RELN: variants seen among roughly 807,000 people sequenced by gnomAD.
The protein encoded by RELN is reelin.
Under a neutral mutation model 427.6 loss-of-function variants are expected in RELN, and 108 were observed. The observed-to-expected ratio is 0.25, with a 90% CI of 0.22 to 0.30. The LOEUF is 0.30. RELN is among the 10% of genes least tolerant of loss of function. The probability of loss-of-function intolerance (pLI) is 1.00; values close to 1 mark genes in which losing one functional copy is unlikely to be tolerated. For synonymous variants in RELN, 1,524 were observed against 1,513.4 expected (o/e 1.01, Z -0.16); for missense variants, 3,715 against 4,302.8 (o/e 0.86, Z 3.82).
At chr7:103,861,208 C>T (rs1584306758) in intron 2 of RELN, among the ~76,000 whole-genome samples, 1 of 152,070 alleles carries the variant, frequency 6.6e-6, no homozygotes, top group Admixed American at 6.6e-5. Context: ...ACTTTCAATT[C>T]TCTGTGAAAT....
chr7:103,562,854 G>A (rs1830671748), intron 34 of RELN, among the ~76,000 whole-genome samples: 1 of 152,168 alleles, frequency 6.6e-6, no homozygotes, highest in Admixed American at 6.5e-5. Flanking sequence ...TACTTAGGAT[G>A]ACATACATGG....
At chr7:103,665,294 A>G (rs1401002953) in intron 11 of RELN, among the ~76,000 whole-genome samples, 3 of 151,804 alleles carry the variant, frequency 2.0e-5, no homozygotes, top group Non-Finnish European at 2.9e-5. Flanking sequence ...ATTAGTCTAT[A>G]TGTCCATCTC....
In RELN at chr7:103,987,129, A is replaced by T. The variant is rs146516288; in HGVS notation, c.226+2002T>A. Among the ~76,000 whole-genome samples the T allele has an allele frequency of 5.0e-3, 754 of 152,062 alleles. 7 individuals carry two copies. The highest frequency in any genetic ancestry group is 0.017 in the African/African-American group (717 of 41,526). On this transcript the variant is annotated intron_variant, in intron 1 of 64. Coordinates refer to ENST00000428762, the MANE Select transcript of RELN (RefSeq NM_005045.4). ...GGCCTATAGCTACAGCTAGTTCCAA[A>T]ATCTAAATGTTTAATAAAATAGATA...
chr7:103,813,577 T>A (rs749654181), intron 3 of RELN, among the ~76,000 whole-genome samples: 3 of 152,084 alleles, frequency 2.0e-5, no homozygotes, highest in African/African-American at 4.8e-5. Flanking sequence ...TACATATATA[T>A]ATGTACGTAC....
At chr7:103,701,061 T>C in intron 8 of RELN, 55 bp from the exon 9 acceptor site, 4 of 960,216 alleles carry the variant, frequency 4.2e-6, no homozygotes, top group Non-Finnish European at 6.8e-6. Context: ...CAAATACATA[T>C]TATCTTTTCT....
chr7:103,719,440 C>T (rs971175432), intron 8 of RELN, among the ~76,000 whole-genome samples: 1 of 152,166 alleles, frequency 6.6e-6, no homozygotes, highest in Admixed American at 6.6e-5. Flanking sequence ...TACAACAATG[C>T]CGTTTTCTAG....
At chr7:103,934,975 G>A (rs1795948863) in intron 1 of RELN, among the ~76,000 whole-genome samples, 2 of 152,178 alleles carry the variant, frequency 1.3e-5, no homozygotes, top group Admixed American at 6.5e-5. Flanking sequence ...CAGCTAAAGT[G>A]CAAAGCCAAA....
At chr7:103,486,477 G>C in intron 60 of RELN, 61 bp from the exon 61 acceptor site, 1 of 1,276,170 alleles carries the variant, frequency 7.8e-7, no homozygotes, top group Non-Finnish European at 1.1e-6. Flanking sequence ...TCAAGATTAA[G>C]AACAAGTATT....
chr7:103,865,586 T>C (rs185127900), intron 2 of RELN, among the ~76,000 whole-genome samples: 2 of 152,134 alleles, frequency 1.3e-5, no homozygotes, highest in African/African-American at 2.4e-5. Flanking sequence ...GTGGCAAGGA[T>C]AGTTCCAACA....
At chr7:103,914,173 T>G (rs1057469815) in intron 2 of RELN, among the ~76,000 whole-genome samples, 6 of 152,192 alleles carry the variant, frequency 3.9e-5, no homozygotes, top group Non-Finnish European at 5.9e-5. Flanking sequence ...TGTAACAATT[T>G]TATTCTTTGT....
At chr7:103,759,103 GA>G (rs753777238) in intron 4 of RELN, among the ~76,000 whole-genome samples, 11 of 151,834 alleles carry the variant, frequency 7.2e-5, no homozygotes, top group Non-Finnish European at 1.5e-4. Flanking sequence ...TTTAAAGTTT[GA>G]AAAAAATAGA....
At position 103,968,673 on chromosome 7, in the gene RELN, G is replaced by A. The variant is rs1450730600; in HGVS notation, c.226+20458C>T. 6.6e-6 allele frequency among the ~76,000 whole-genome samples: 1 copy of A among 151,952 alleles called. No individual in the cohort carries two copies. The highest frequency in any genetic ancestry group is 1.5e-5 in the Non-Finnish European group (1 of 67,980). On this transcript the variant is annotated intron_variant, in intron 1 of 64. Transcript: ENST00000428762. This position sits in a 1 kb window ranked among gnomAD's most constrained non-coding sequence, Gnocchi z 4.3. The stretch of plus-strand genomic sequence containing the variant: ...TTTCTGCAACTTATTTGCAACTAAA[G>A]AAAAGAGGCATTAGATTATTAAGAA...
At chr7:103,707,564 T>C (rs1421676206) in intron 8 of RELN, among the ~76,000 whole-genome samples, 1 of 151,866 alleles carries the variant, frequency 6.6e-6, no homozygotes, top group Non-Finnish European at 1.5e-5. Context: ...AATGGCGCGA[T>C]CTCGGCTCAC....
chr7:103,786,470 A>C (rs962891249), intron 3 of RELN, among the ~76,000 whole-genome samples: 1 of 150,296 alleles, frequency 6.7e-6, no homozygotes, highest in African/African-American at 2.4e-5. Flanking sequence ...AGACACACAT[A>C]GGCCCAAAAT....
intron 10 of RELN, 45 bp downstream of exon 10, chr7:103,697,808 G>A: frequency 9.9e-6 from 16 of 1,612,606 alleles, no homozygotes; most frequent in East Asian, 2.2e-5. Context: ...TTTTAGAAAG[G>A]AGATGAAGGA....
chr7:103,755,510 A>C (rs1441608902), intron 4 of RELN, among the ~76,000 whole-genome samples: 1 of 151,802 alleles, frequency 6.6e-6, no homozygotes, highest in African/African-American at 2.4e-5. Context: ...CAGGAGGCTG[A>C]GGCAGGAGAA....
chr7:103,887,883 A>T (rs1234552449), intron 2 of RELN, among the ~76,000 whole-genome samples: 1 of 152,182 alleles, frequency 6.6e-6, no homozygotes, highest in Non-Finnish European at 1.5e-5. Flanking sequence ...TTCTAGGAAG[A>T]ACATGCTCAT....
intron 46 of RELN, among the ~76,000 whole-genome samples, chr7:103,527,599 G>A (rs943468834): frequency 5.3e-5 from 8 of 152,344 alleles, no homozygotes; most frequent in Non-Finnish European, 8.8e-5. Flanking sequence ...TTCTGTGTCA[G>A]CTTCAGAGCT....
At chr7:103,811,555 C>G (rs1792744548) in intron 3 of RELN, among the ~76,000 whole-genome samples, 1 of 152,186 alleles carries the variant, frequency 6.6e-6, no homozygotes, top group Non-Finnish European at 1.5e-5. Flanking sequence ...AAAGTAACCA[C>G]CAGTGCATAG....
Sources: allele counts gnomAD v4.1 joint callset (sites outside exome capture counted in the v4.1 genomes callset), GRCh38; gene constraint gnomAD v4.1.1; non-coding constraint Gnocchi (gnomAD v3.1); transcripts MANE v1.5; gene names NCBI Gene and HGNC (gene_info 2026-07-23, HGNC 2026-07-21).